The following TOX variants were observed in gnomAD, a reference collection of about 807,000 sequenced individuals.
TOX encodes the protein thymocyte selection-associated high mobility group box protein TOX.
TOX carries 11 observed loss-of-function variants against 53.7 expected under a neutral mutation model. That is an observed-to-expected ratio of 0.20 (90% CI 0.13 to 0.34). The LOEUF (loss-of-function observed/expected upper bound fraction) is 0.34, where lower values mean the gene tolerates loss of function less well. Ranked by LOEUF, TOX falls within the 10% of genes least tolerant of loss-of-function variation. TOX has a pLI of 1.00. For missense variants in TOX, 570 were observed against 664.6 expected (o/e 0.86, Z 1.56); for synonymous variants, 225 against 245.3 (o/e 0.92, Z 0.77).
chr8:58,843,109 T>C (rs1187993796), intron 4 of TOX, among the ~76,000 whole-genome samples: 2 of 152,212 alleles, frequency 1.3e-5, no homozygotes, highest in Non-Finnish European at 2.9e-5. Flanking sequence ...CAGCCAGTCT[T>C]ATAAGATTAT....
intron 1 of TOX, among the ~76,000 whole-genome samples, chr8:59,096,395 T>C (rs1393301570): frequency 2.0e-5 from 3 of 152,128 alleles, no homozygotes; most frequent in Non-Finnish European, 4.4e-5. Flanking sequence ...TGGTAACCAA[T>C]ACAGACAGTG....
chr8:59,098,071 A>G (rs1804743279), intron 1 of TOX, among the ~76,000 whole-genome samples: 1 of 152,178 alleles, frequency 6.6e-6, no homozygotes, highest in Admixed American at 6.5e-5. Context: ...TTAAAAAAAA[A>G]AATCCAAGAG....
At chr8:58,887,457 A>G (rs1282261565) in intron 3 of TOX, among the ~76,000 whole-genome samples, 3 of 151,894 alleles carry the variant, frequency 2.0e-5, no homozygotes, top group Non-Finnish European at 4.4e-5. Context: ...CAACTTTCAC[A>G]ACTTTTTCAT....
intron 1 of TOX, among the ~76,000 whole-genome samples, chr8:58,960,525 T>C (rs997155636): frequency 1.3e-5 from 2 of 152,164 alleles, no homozygotes; most frequent in Non-Finnish European, 2.9e-5. Context: ...AATTTAACTT[T>C]ATAATAATAT....
chr8:58,965,914 T>TTTG (rs1812890008), intron 1 of TOX, among the ~76,000 whole-genome samples: 1 of 137,640 alleles, frequency 7.3e-6, no homozygotes, highest in African/African-American at 2.7e-5. Context: ...TTTTTTTTTT[T>TTTG]TTTTTTTTTT....
At chr8:58,886,738 C>T (rs1811474963) in intron 3 of TOX, among the ~76,000 whole-genome samples, 1 of 152,006 alleles carries the variant, frequency 6.6e-6, no homozygotes, top group Non-Finnish European at 1.5e-5. Context: ...TTTCCAAGTA[C>T]ACAATAAAAT....
At chr8:59,102,155 A>G (rs1320989938) in intron 1 of TOX, among the ~76,000 whole-genome samples, 1 of 152,230 alleles carries the variant, frequency 6.6e-6, no homozygotes, top group African/African-American at 2.4e-5. Context: ...GAAAGCAAGG[A>G]GGAGCAAGTC....
chr8:58,952,426 T>A (rs548011000), intron 2 of TOX, among the ~76,000 whole-genome samples: 1 of 152,214 alleles, frequency 6.6e-6, no homozygotes, highest in Non-Finnish European at 1.5e-5. Flanking sequence ...CATGTTATAA[T>A]TGCAAAATTT....
intron 3 of TOX, among the ~76,000 whole-genome samples, chr8:58,931,010 G>A (rs1348678166): frequency 6.6e-6 from 1 of 151,952 alleles, no homozygotes; most frequent in African/African-American, 2.4e-5. Flanking sequence ...TGATACCCAG[G>A]CAGGAAAAAA....
intron 1 of TOX, among the ~76,000 whole-genome samples, chr8:58,963,889 G>A (rs896496982): frequency 2.4e-4 from 37 of 152,280 alleles, no homozygotes; most frequent in African/African-American, 8.4e-4. Flanking sequence ...AATGTTTATT[G>A]CCTAAATAAG....
chr8:58,944,001 TG>T (rs1430854015), intron 2 of TOX, among the ~76,000 whole-genome samples: 1 of 152,240 alleles, frequency 6.6e-6, no homozygotes, highest in East Asian at 1.9e-4. Context: ...CAGAGTGATT[TG>T]TTCTAAACCA....
chr8:58,853,435 A>G (rs1333963175), intron 3 of TOX, among the ~76,000 whole-genome samples: 1 of 152,148 alleles, frequency 6.6e-6, no homozygotes, highest in African/African-American at 2.4e-5. Flanking sequence ...TGGAAGAGGA[A>G]AACTGGGAGG....
chr8:58,872,822 G>A (rs547732662), intron 3 of TOX, among the ~76,000 whole-genome samples: 1 of 152,092 alleles, frequency 6.6e-6, no homozygotes, highest in African/African-American at 2.4e-5. Flanking sequence ...ACAGAAAAGG[G>A]ATATCAGGGA....
Position 59,083,400 on chromosome 8 carries a change from A to G in TOX, c.102+35486T>C, listed in dbSNP as rs146896397. ...GTCCTCCTATCAACAATCAAATAAT[A>G]TTTTAAGAGTTATTCAAATATATTT... On this transcript the variant is annotated intron_variant, in intron 1 of 8. Transcript: ENST00000361421. Among the ~76,000 whole-genome samples the G allele has an allele frequency of 4.4e-3, 675 of 152,310 alleles. 5 individuals are homozygous for G. Among genetic ancestry groups the G allele is most frequent in the African/African-American group, 0.015 (639 of 41,564 alleles).
At chr8:59,063,697 C>T (rs1804034495) in intron 1 of TOX, among the ~76,000 whole-genome samples, 1 of 152,106 alleles carries the variant, frequency 6.6e-6, no homozygotes, top group South Asian at 2.1e-4. Flanking sequence ...GCTGGGATTA[C>T]ACCCTAAGCC....
chr8:59,079,485 C>G (rs193033332), intron 1 of TOX, among the ~76,000 whole-genome samples: 3 of 152,330 alleles, frequency 2.0e-5, no homozygotes, highest in African/African-American at 7.2e-5. Flanking sequence ...ACTCCAGCCT[C>G]AGCTCAGGAA....
chr8:58,905,512 G>A (rs990575242), intron 3 of TOX, among the ~76,000 whole-genome samples: 11 of 152,214 alleles, frequency 7.2e-5, no homozygotes, highest in African/African-American at 2.4e-4. Flanking sequence ...TGCTGTCAGA[G>A]AGTGACCATG....
intron 8 of TOX, 91 bp downstream of exon 8, chr8:58,808,027 A>G (rs1810010010): frequency 6.7e-7 from 1 of 1,499,352 alleles, no homozygotes; most frequent in African/African-American, 1.4e-5. Flanking sequence ...ATCCCGGATC[A>G]TGTTTTTGGA....
intron 6 of TOX, among the ~76,000 whole-genome samples, chr8:58,826,347 T>G (rs781730581): frequency 1.3e-4 from 20 of 152,246 alleles, no homozygotes; most frequent in Non-Finnish European, 2.6e-4. Flanking sequence ...GTGTTTAAGA[T>G]ATTCTAGATC....
Sources: gnomAD v4.1 joint callset for allele counts (sites outside exome capture counted in the v4.1 genomes callset) on GRCh38, gnomAD v4.1.1 for gene constraint, MANE v1.5 for transcripts, NCBI Gene and HGNC (gene_info 2026-07-23, HGNC 2026-07-21) for gene names.